The following DENND5B variants were observed in gnomAD, a reference collection of about 807,000 sequenced individuals.
DENND5B encodes the protein DENN domain containing 5B, also known as DENN domain-containing protein 5B.
DENND5B carries 34 observed loss-of-function variants against 140.6 expected under a neutral mutation model. That is an observed-to-expected ratio of 0.24 (90% CI 0.18 to 0.32). DENND5B has a LOEUF of 0.32. DENND5B is among the 10% of genes least tolerant of loss of function. The pLI, the probability that DENND5B is intolerant of heterozygous loss-of-function variation, is 1.00. For missense variants in DENND5B, 1,142 were observed against 1,560.2 expected (o/e 0.73, Z 4.52); for synonymous variants, 551 against 562.1 (o/e 0.98, Z 0.28).
chr12:31,510,117 T>C (rs960995369), intron 1 of DENND5B, among the ~76,000 whole-genome samples: 1 of 152,176 alleles, frequency 6.6e-6, no homozygotes, highest in Non-Finnish European at 1.5e-5. Context: ...TCCCCTGTAA[T>C]AATTTTCTAT....
intron 1 of DENND5B, among the ~76,000 whole-genome samples, chr12:31,535,560 ACT>A (rs1948464626): frequency 6.6e-6 from 1 of 152,144 alleles, no homozygotes; most frequent in Non-Finnish European, 1.5e-5. Context: ...CAAGGTGGTA[ACT>A]CTACAAATCC....
At chr12:31,393,437 C>T (rs1250523231) in intron 17 of DENND5B, among the ~76,000 whole-genome samples, 1 of 152,198 alleles carries the variant, frequency 6.6e-6, no homozygotes, top group Non-Finnish European at 1.5e-5. Flanking sequence ...TCTTCTAGGC[C>T]ACTTTCCTGA....
intron 3 of DENND5B, among the ~76,000 whole-genome samples, chr12:31,471,899 C>T (rs1412963125): frequency 6.6e-6 from 1 of 152,120 alleles, no homozygotes; most frequent in Non-Finnish European, 1.5e-5. Context: ...AAAAGCTACT[C>T]GAAGTCTGTT....
chr12:31,422,656 G>C (rs1330660661), intron 11 of DENND5B, among the ~76,000 whole-genome samples: 1 of 152,088 alleles, frequency 6.6e-6, no homozygotes, highest in Non-Finnish European at 1.5e-5. Context: ...TTCCGAAATG[G>C]CTGATTCAGT....
intron 4 of DENND5B, among the ~76,000 whole-genome samples, chr12:31,454,980 G>A (rs914878024): frequency 7.9e-5 from 12 of 151,582 alleles, no homozygotes; most frequent in African/African-American, 1.9e-4. Flanking sequence ...CACCACGCCC[G>A]GCTAATTTTT....
rs139537497 is a variant in DENND5B, at chr12:31,561,086, T to G, written c.127+29620A>C. Among the ~76,000 whole-genome samples, 327 of 152,158 alleles carry G rather than the reference T, an allele frequency of 2.1e-3. 3 individuals carry two copies. The highest frequency in any genetic ancestry group is 7.0e-3 in the African/African-American group (289 of 41,530). ...CAAGATCCCAGTTATGTTCAGGGATTTAAAAAGAGAACTCCGTATGTAAGG... is the reference window on the plus strand; with the variant it reads ...CAAGATCCCAGTTATGTTCAGGGATGTAAAAAGAGAACTCCGTATGTAAGG... On this transcript the variant is annotated intron_variant, in intron 1 of 20. Coordinates refer to ENST00000389082, the MANE Select transcript of DENND5B (RefSeq NM_144973.4).
intron 2 of DENND5B, among the ~76,000 whole-genome samples, chr12:31,487,277 T>C (rs1946344431): frequency 6.6e-6 from 1 of 152,226 alleles, no homozygotes; most frequent in Non-Finnish European, 1.5e-5. Flanking sequence ...TAAAAGCCAC[T>C]TATTCCTAGT....
At chr12:31,506,607 C>T (rs1214814278) in intron 1 of DENND5B, among the ~76,000 whole-genome samples, 1 of 152,118 alleles carries the variant, frequency 6.6e-6, no homozygotes, top group African/African-American at 2.4e-5. Context: ...TTTGGAAGTC[C>T]CAGGCTACCT....
chr12:31,467,085 C>G (rs1451437785), intron 3 of DENND5B, among the ~76,000 whole-genome samples: 1 of 151,086 alleles, frequency 6.6e-6, no homozygotes, highest in Non-Finnish European at 1.5e-5. Flanking sequence ...AAACTTTTAA[C>G]ATATAATTTA....
At chr12:31,561,799 A>C (rs900276982) in intron 1 of DENND5B, among the ~76,000 whole-genome samples, 8 of 152,250 alleles carry the variant, frequency 5.3e-5, no homozygotes, top group African/African-American at 7.2e-5. Context: ...AACTACAGTC[A>C]AAATGAGGTA....
intron 1 of DENND5B, among the ~76,000 whole-genome samples, chr12:31,521,851 T>C (rs1205413974): frequency 1.3e-5 from 2 of 152,336 alleles, no homozygotes; most frequent in South Asian, 2.1e-4. Context: ...CCAGACTCCA[T>C]ACTATTGCCA....
intron 7 of DENND5B, among the ~76,000 whole-genome samples, chr12:31,441,214 T>C (rs1944014788): frequency 6.6e-6 from 1 of 152,098 alleles, no homozygotes. Context: ...TGTGGTGGCA[T>C]GTGCCTTTAG....
intron 13 of DENND5B, among the ~76,000 whole-genome samples, chr12:31,411,970 CTTTT>C (rs980296449): frequency 2.6e-5 from 4 of 151,888 alleles, no homozygotes; most frequent in African/African-American, 9.7e-5. Flanking sequence ...AAGACAGCTT[CTTTT>C]TTTTGTTTTT....
intron 3 of DENND5B, among the ~76,000 whole-genome samples, chr12:31,470,496 T>C (rs954668177): frequency 1.3e-5 from 2 of 152,144 alleles, no homozygotes; most frequent in African/African-American, 4.8e-5. Context: ...GAGATCTGCC[T>C]GTCTCAGCTT....
chr12:31,556,323 T>A (rs1949280455), intron 1 of DENND5B, among the ~76,000 whole-genome samples: 1 of 152,134 alleles, frequency 6.6e-6, no homozygotes, highest in Non-Finnish European at 1.5e-5. Context: ...TGTCTCAGCC[T>A]CCCAAGTAGC....
intron 2 of DENND5B, among the ~76,000 whole-genome samples, chr12:31,490,696 G>T (rs1004805402): frequency 1.3e-5 from 2 of 152,078 alleles, no homozygotes; most frequent in African/African-American, 4.8e-5. Flanking sequence ...TCAAACCTAT[G>T]AATGTAATTT....
chr12:31,556,837 T>C (rs1565693324), intron 1 of DENND5B, among the ~76,000 whole-genome samples: 1 of 152,102 alleles, frequency 6.6e-6, no homozygotes, highest in South Asian at 2.1e-4. Flanking sequence ...ATTGGCAATA[T>C]GATTAAAAAA....
chr12:31,580,741 C>T (rs1269210622), intron 1 of DENND5B, among the ~76,000 whole-genome samples: 2 of 152,202 alleles, frequency 1.3e-5, no homozygotes, highest in East Asian at 1.9e-4. Context: ...GTGATCCACC[C>T]GTCTCGGCCA....
At position 31,466,539 on chromosome 12, in the gene DENND5B, A is replaced by G. The variant is rs558875414; in HGVS notation, c.905-6158T>C. ...GAAACCCCGTCTCTACTAAAAATACAAAAATTAGCTGGGCATGGTGGCATG... is the reference window on the plus strand; with the variant it reads ...GAAACCCCGTCTCTACTAAAAATACGAAAATTAGCTGGGCATGGTGGCATG... On this transcript the variant is annotated intron_variant, in intron 3 of 20. Coordinates refer to ENST00000389082, the MANE Select transcript of DENND5B (RefSeq NM_144973.4). 3.3e-5 allele frequency among the ~76,000 whole-genome samples: 5 copies of G among 152,034 alleles called. No homozygotes were observed. In the South Asian group the frequency reaches 1.0e-3, roughly 32 times the overall value.
Sources: gnomAD v4.1 joint callset for allele counts (sites outside exome capture counted in the v4.1 genomes callset) on GRCh38, gnomAD v4.1.1 for gene constraint, MANE v1.5 for transcripts, NCBI Gene and HGNC (gene_info 2026-07-23, HGNC 2026-07-21) for gene names.